The following RALYL variants were observed in gnomAD, a reference collection of about 807,000 sequenced individuals.
The protein encoded by RALYL is RALY RNA binding protein like.
A neutral mutation model predicts 35.1 loss-of-function variants in RALYL; 29 were observed. That is an observed-to-expected ratio of 0.83 (90% confidence interval 0.61 to 1.13). RALYL has a LOEUF of 1.13. RALYL is among the 50% of genes most tolerant of loss of function. RALYL has a pLI of 0.00. For missense variants in RALYL, 359 were observed against 360.4 expected (o/e 1.00, Z 0.03); for synonymous variants, 120 against 127.6 (o/e 0.94, Z 0.40).
intron 2 of RALYL, among the ~76,000 whole-genome samples, chr8:84,560,233 G>A (rs2061391988): frequency 6.6e-6 from 1 of 151,806 alleles, no homozygotes; most frequent in Admixed American, 6.6e-5. Context: ...CTATCTCTTG[G>A]CTAGGGAAGG....
intron 1 of RALYL, among the ~76,000 whole-genome samples, chr8:84,193,587 C>CTGAA (rs1287168065): frequency 6.6e-6 from 1 of 152,124 alleles, no homozygotes; most frequent in Non-Finnish European, 1.5e-5. Context: ...TTAATGGTGA[C>CTGAA]TTCAGTCTTC....
intron 1 of RALYL, among the ~76,000 whole-genome samples, chr8:84,272,852 G>A (rs1450822635): frequency 1.3e-5 from 2 of 152,050 alleles, no homozygotes; most frequent in African/African-American, 4.8e-5. Context: ...ACAATAGGAT[G>A]GTTTCTTCAT....
intron 1 of RALYL, among the ~76,000 whole-genome samples, chr8:84,189,204 C>T (rs1290591461): frequency 6.6e-6 from 1 of 152,100 alleles, no homozygotes; most frequent in African/African-American, 2.4e-5. Flanking sequence ...CTGAAAGATA[C>T]AATAGCATGC....
Position 84,876,982 on chromosome 8 carries a change from T to C in RALYL, c.685+3585T>C, listed in dbSNP as rs1841272521. Among the ~76,000 whole-genome samples, 3 of 152,212 alleles carry C rather than the reference T, an allele frequency of 2.0e-5. No individual in the cohort carries two copies. In the South Asian group the frequency reaches 6.2e-4, roughly 32 times the overall value. On this transcript the variant is annotated intron_variant, in intron 7 of 8. Transcript: ENST00000521268. ...ATCACTCTACACATGGCATGCACTT[T>C]TCAGTTTGCTAATATCTTTATCCAG...
chr8:84,880,739 C>T (rs914407561), intron 7 of RALYL, among the ~76,000 whole-genome samples: 4 of 151,936 alleles, frequency 2.6e-5, no homozygotes, highest in Non-Finnish European at 4.4e-5. Flanking sequence ...AGTGATACAA[C>T]CATCACCACA....
At chr8:84,555,203 C>T (rs536002973) in intron 2 of RALYL, among the ~76,000 whole-genome samples, 14 of 152,198 alleles carry the variant, frequency 9.2e-5, no homozygotes, top group South Asian at 2.1e-4. Context: ...CGCTTGAACC[C>T]GGGAGGCAGA....
intron 1 of RALYL, among the ~76,000 whole-genome samples, chr8:84,227,041 G>GA (rs1251109117): frequency 7.8e-6 from 1 of 127,974 alleles, no homozygotes; most frequent in Admixed American, 8.0e-5. Context: ...TAGGCTTCCA[G>GA]AAAAAATTGT....
intron 1 of RALYL, among the ~76,000 whole-genome samples, chr8:84,428,066 G>A (rs189189544): frequency 4.7e-5 from 7 of 148,382 alleles, no homozygotes; most frequent in African/African-American, 1.3e-4. Context: ...GCTCGCTTGC[G>A]CTTGCTCGCT....
intron 2 of RALYL, among the ~76,000 whole-genome samples, chr8:84,732,733 G>T (rs527648297): frequency 7.1e-6 from 1 of 140,612 alleles, no homozygotes; most frequent in Non-Finnish European, 1.5e-5. Flanking sequence ...GTCTTGCTCT[G>T]TCACCCAGGC....
intron 7 of RALYL, among the ~76,000 whole-genome samples, chr8:84,878,838 C>T (rs73301290): frequency 0.039 from 5,886 of 152,014 alleles, 389 homozygotes; most frequent in African/African-American, 0.13. Flanking sequence ...GAGAATTACA[C>T]GATGAATATC....
chr8:84,379,211 T>C (rs1046566076), intron 1 of RALYL, among the ~76,000 whole-genome samples: 4 of 151,978 alleles, frequency 2.6e-5, no homozygotes, highest in African/African-American at 9.7e-5. Context: ...ATTGGGAAGA[T>C]ACAATTTTAG....
At chr8:84,263,033 AC>A (rs1379107451) in intron 1 of RALYL, among the ~76,000 whole-genome samples, 2 of 152,158 alleles carry the variant, frequency 1.3e-5, no homozygotes, top group African/African-American at 4.8e-5. Context: ...TCAGCCACAG[AC>A]TGTTTTAAAA....
chr8:84,560,371 T>C lies in RALYL; in HGVS notation c.256+30794T>C, dbSNP rs187090989. ...AAACAACTAAATATACTGATAATAA[T>C]AATGTCAGCAACAAAAGGTAGAAAC... On this transcript the variant is annotated intron_variant, in intron 2 of 8. Transcript: ENST00000521268. Among the ~76,000 whole-genome samples, 5 of 152,088 alleles carry C rather than the reference T, an allele frequency of 3.3e-5. No individual in the cohort carries two copies. In the East Asian group the frequency reaches 9.7e-4, roughly 29 times the overall value.
At chr8:84,214,888 T>A (rs896388310) in intron 1 of RALYL, among the ~76,000 whole-genome samples, 2 of 148,094 alleles carry the variant, frequency 1.4e-5, no homozygotes, top group Non-Finnish European at 3.0e-5. Context: ...TTAACTTTTA[T>A]TTTTTTTTTA....
chr8:84,844,943 G>A (rs986348750), intron 4 of RALYL, among the ~76,000 whole-genome samples: 7 of 151,278 alleles, frequency 4.6e-5, no homozygotes, highest in African/African-American at 1.7e-4. Context: ...ACAGGAAGGG[G>A]AACATCACAC....
At chr8:84,536,851 C>T (rs899409342) in intron 2 of RALYL, among the ~76,000 whole-genome samples, 1 of 152,180 alleles carries the variant, frequency 6.6e-6, no homozygotes, top group Non-Finnish European at 1.5e-5. Flanking sequence ...GCTTCAGCTA[C>T]TTTAAATATT....
At chr8:84,805,837 A>C (rs1824463339) in intron 4 of RALYL, among the ~76,000 whole-genome samples, 1 of 152,230 alleles carries the variant, frequency 6.6e-6, no homozygotes, top group Non-Finnish European at 1.5e-5. Context: ...GTGTATTATG[A>C]AAGGACTTTT....
intron 1 of RALYL, among the ~76,000 whole-genome samples, chr8:84,501,720 C>G (rs1415913997): frequency 6.6e-6 from 1 of 151,460 alleles, no homozygotes; most frequent in Non-Finnish European, 1.5e-5. Flanking sequence ...GTCTCTTTCT[C>G]TTAGGAAATA....
intron 1 of RALYL, among the ~76,000 whole-genome samples, chr8:84,321,565 G>A (rs1434400425): frequency 6.6e-6 from 1 of 152,138 alleles, no homozygotes; most frequent in African/African-American, 2.4e-5. Context: ...CTGTGGAACT[G>A]AGAAATATTC....
Sources: allele counts gnomAD v4.1 joint callset (sites outside exome capture counted in the v4.1 genomes callset), GRCh38; gene constraint gnomAD v4.1.1; transcripts MANE v1.5; gene names NCBI Gene and HGNC (gene_info 2026-07-23, HGNC 2026-07-21).